NARS1: variants seen among roughly 807,000 people sequenced by gnomAD.
NARS1 encodes asparagine--tRNA ligase, cytoplasmic.
A neutral mutation model predicts 79.2 loss-of-function variants in NARS1; 65 were observed. The ratio of observed to expected loss-of-function variants is 0.82; its 90% confidence interval spans 0.67 to 1.01. The LOEUF (loss-of-function observed/expected upper bound fraction) is 1.01. Ranked by LOEUF, NARS1 falls within the 50% of genes least tolerant of loss-of-function variation. The pLI is 0.00. For synonymous variants in NARS1, 229 were observed against 238.8 expected (o/e 0.96, Z 0.38); for missense variants, 649 against 673.8 (o/e 0.96, Z 0.41).
At chr18:57,613,837 C>T (rs1390597625) in intron 4 of NARS1, among the ~76,000 whole-genome samples, 157 bp from the exon 5 acceptor site, 1 of 152,154 alleles carries the variant, frequency 6.6e-6, no homozygotes, top group Non-Finnish European at 1.5e-5. Flanking sequence ...AAACGCATTT[C>T]ACTGTATTGG....
intron 1 of NARS1, 152 bp downstream of exon 1, chr18:57,621,556 A>AG: frequency 2.3e-6 from 1 of 443,718 alleles, no homozygotes; most frequent in Admixed American, 2.7e-5. Flanking sequence ...AGCAAAGGCC[A>AG]GCACCCTCCC....
At chr18:57,602,212 A>T in intron 13 of NARS1, 143 bp downstream of exon 13, 1 of 740,134 alleles carries the variant, frequency 1.4e-6, no homozygotes, top group Non-Finnish European at 2.1e-6. Context: ...CAATATTCAC[A>T]CACCACATTA....
chr18:57,607,782 C>T lies in NARS1; in HGVS notation c.580-117G>A, dbSNP rs550588401. The T allele has an allele frequency of 1.0e-5, 8 of 779,116 alleles. No individual in the cohort carries two copies. In the Admixed American group the frequency reaches 2.0e-4, roughly 20 times the overall value. 48.3% of individuals were successfully genotyped at this position (779,116 alleles called of 1,614,324 possible). A position where few individuals can be genotyped will look rare whatever the true frequency, so the allele number is the denominator to read the frequency against. Reference sequence around the variant, plus strand: ...GTAAGCTGAGATTTTTAAGAACCTCCTAATTCTCAGCTTTAGTTTAGTTTT... The same window carrying T: ...GTAAGCTGAGATTTTTAAGAACCTCTTAATTCTCAGCTTTAGTTTAGTTTT... On this transcript the variant is annotated intron_variant, in intron 7 of 13. Transcript: ENST00000256854.
rs375048591 is a variant in NARS1 at position 57,607,455 on chromosome 18, C to T, written c.790G>A (p.Gly264Arg). 8.1e-6 allele frequency: 13 copies of T among 1,613,812 alleles called. No individual in the cohort carries two copies. In the African/African-American group the frequency reaches 1.2e-4, roughly 15 times the overall value. Reference protein sequence around the residue: ...RCFRDHFFDRGYYEVTPPTLV... With the variant: ...RCFRDHFFDRRYYEVTPPTLV... ...GAATGCATACTTACTTCATAGTACC[C>T]CCTATCAAAGAAGTGATCTCTAAAG... The change falls in exon 8 of 14, where the codon GGG (glycine) becomes AGG (arginine). Residue 264 changes from glycine (G) to arginine (R), a missense_variant. Gly to Arg is a moderately radical substitution (Grantham distance 125). Coordinates refer to ENST00000256854, the MANE Select transcript of NARS1 (RefSeq NM_004539.4).
chr18:57,619,553 A>G (rs182226544), intron 2 of NARS1, among the ~76,000 whole-genome samples: 28 of 151,944 alleles, frequency 1.8e-4, no homozygotes, highest in Admixed American at 1.8e-3. Flanking sequence ...ACTTTTAACC[A>G]TCTTCCTTAT....
At chr18:57,608,323 G>A (rs1405035002) in intron 7 of NARS1, among the ~76,000 whole-genome samples, 4 of 149,888 alleles carry the variant, frequency 2.7e-5, no homozygotes, top group Admixed American at 6.8e-5. Flanking sequence ...GGTGGCGCAC[G>A]CCTATAGTCC....
rs72942226 is a variant in NARS1 at position 57,620,409 on chromosome 18, A to T, written c.93+160T>A. Among the ~76,000 whole-genome samples the T allele has an allele frequency of 0.16, 23,651 of 152,270 alleles. 2,120 individuals carry two copies. The highest frequency in any genetic ancestry group is 0.2 in the Non-Finnish European group (13,550 of 68,014). On this transcript the variant is annotated intron_variant, in intron 2 of 13. Transcript: ENST00000256854. ...AAGTTTAGACTTTGATCATCTAACA[A>T]TCTTAAAGTCACATATCTGTATGCA...
chr18:57,601,862 C>T, intron 13 of NARS1, 79 bp from the exon 14 acceptor site: 3 of 1,487,276 alleles, frequency 2.0e-6, no homozygotes, highest in Non-Finnish European at 2.8e-6. Context: ...AAATTTTCCA[C>T]CATGAAAGGA....
intron 2 of NARS1, among the ~76,000 whole-genome samples, chr18:57,619,266 A>ATTTTTTTTTTTTTTTTTTTTTTTTT (rs57667136): frequency 8.1e-6 from 1 of 123,754 alleles, no homozygotes; most frequent in Non-Finnish European, 1.7e-5. Context: ...TGCCTGGCTA[A>ATTTTTTTTTTTTTTTTTTTTTTTTT]TTTTTTTTTT....
At position 57,601,661 on chromosome 18, in the gene NARS1, G is replaced by C; in HGVS notation, c.1638C>G (p.Cys546Trp). 1 of 1,613,712 alleles carries C rather than the reference G, an allele frequency of 6.2e-7. No homozygotes were observed. Among genetic ancestry groups the C allele is most frequent in the Non-Finnish European group, 8.5e-7 (1 of 1,179,698 alleles). The change falls in exon 14 of 14, where the codon TGC becomes TGG. Residue 546 changes from cysteine (C) to tryptophan (W), a missense_variant. Coordinates refer to ENST00000256854, the MANE Select transcript of NARS1 (RefSeq NM_004539.4). Reference protein sequence around the residue: ...VCLYPRFVQRCTP With the variant: ...VCLYPRFVQRWTP ...CTTCTGGAGAAAATGGTTATGGCGT[G>C]CAACGCTGGACAAATCGAGGGTATA...
intron 6 of NARS1, among the ~76,000 whole-genome samples, chr18:57,610,173 T>A (rs1472897460): frequency 6.6e-6 from 1 of 152,042 alleles, no homozygotes; most frequent in African/African-American, 2.4e-5. Context: ...AACCCACTAG[T>A]CATAAAAAAG....
In NARS1 at chr18:57,621,752, G is replaced by C. The variant is rs571642293; in HGVS notation, c.-35C>G. 3.7e-6 allele frequency: 6 copies of C among 1,613,964 alleles called. No homozygotes were observed. In the East Asian group the frequency reaches 1.3e-4, roughly 36 times the overall value. ...GGCCCTGGTCACCTCCAAGGACACA[G>C]ACTGCAACACCGACGCCGTCTTATG... is the stretch of plus-strand genomic sequence containing the variant. On this transcript the variant is annotated 5_prime_UTR_variant, in exon 1 of 14. Coordinates refer to ENST00000256854, the MANE Select transcript of NARS1 (RefSeq NM_004539.4).
intron 2 of NARS1, among the ~76,000 whole-genome samples, chr18:57,618,387 C>T (rs979829441): frequency 1.2e-4 from 18 of 152,190 alleles, no homozygotes; most frequent in African/African-American, 3.9e-4. Context: ...ACTTATTACC[C>T]GACAATCTGT....
At chr18:57,615,591 T>G (rs1907987943) in intron 4 of NARS1, 50 bp downstream of exon 4, 12 of 1,275,206 alleles carry the variant, frequency 9.4e-6, no homozygotes, top group Non-Finnish European at 1.4e-5. Flanking sequence ...ACAGAAATAA[T>G]GATCTGATGT....
Position 57,607,434 on chromosome 18 carries a change from GCATACTTACTT to G in NARS1, c.800_801+9del. ...ATATTCTTTGCAAAAGCTGACGAAT[GCATACTTACTT>G]CATAGTACCCCCTATCAAAGAAGTG... On this transcript the variant is annotated splice_donor_variant and splice_donor_5th_base_variant and coding_sequence_variant and intron_variant, in exon 8 of 14. Transcript: ENST00000256854. LOFTEE classifies it high-confidence loss of function. 6.2e-7 allele frequency: 1 copy of G among 1,612,482 alleles called. No individual in the cohort carries two copies. The highest frequency in any genetic ancestry group is 8.5e-7 in the Non-Finnish European group (1 of 1,178,574).
rs2051606115 is a variant in NARS1, at chr18:57,611,677, T to C, written c.452A>G (p.Asp151Gly). The change falls in exon 6 of 14, where the codon GAT (aspartate) becomes GGT (glycine). Residue 151 changes from aspartate (D) to glycine (G), a missense_variant. Physicochemically the swap from Asp to Gly is moderately conservative, Grantham distance 94. Transcript: ENST00000256854. ...GKNLMFLVLR[D>G]GTGYLQCVLA... Reference sequence around the variant, plus strand: ...GACACACTGAAGATAACCTGTACCATCTCGCAACACCAGAAACATTAAATT... The same window carrying C: ...GACACACTGAAGATAACCTGTACCACCTCGCAACACCAGAAACATTAAATT... 6.3e-7 allele frequency: 1 copy of C among 1,597,778 alleles called. No individual in the cohort carries two copies. Among genetic ancestry groups the C allele is most frequent in the South Asian group, 1.1e-5 (1 of 87,624 alleles).
At position 57,620,559 on chromosome 18, in the gene NARS1, GA is replaced by G; in HGVS notation, c.93+9del. On this transcript the variant is annotated intron_variant, in intron 2 of 13. Coordinates refer to ENST00000256854, the MANE Select transcript of NARS1 (RefSeq NM_004539.4). ...TGCAGTCTCATTTTCCTAATGAGAA[GA>G]GACTCTACCTTTAGACCTGTTTTAA... 1 of 1,584,116 alleles carries G rather than the reference GA, an allele frequency of 6.3e-7. No individual in the cohort carries two copies. Among genetic ancestry groups the G allele is most frequent in the Non-Finnish European group, 8.6e-7 (1 of 1,158,318 alleles).
At chr18:57,618,683 C>T (rs1194770109) in intron 2 of NARS1, among the ~76,000 whole-genome samples, 1 of 151,828 alleles carries the variant, frequency 6.6e-6, no homozygotes, top group Non-Finnish European at 1.5e-5. Context: ...AGCAGGATTG[C>T]TTAAGCCCAG....
At chr18:57,602,098 T>C (rs566800365) in intron 13 of NARS1, among the ~76,000 whole-genome samples, 1 of 152,326 alleles carries the variant, frequency 6.6e-6, no homozygotes, top group African/African-American at 2.4e-5. Flanking sequence ...GGGTACTAGA[T>C]ACTGGTAGGA....
Sources: gnomAD v4.1 joint callset for allele counts (sites outside exome capture counted in the v4.1 genomes callset) on GRCh38, gnomAD v4.1.1 for gene constraint, MANE v1.5 for transcripts, NCBI Gene and HGNC (gene_info 2026-07-23, HGNC 2026-07-21) for gene names.